The following TRIM16 variants were observed in gnomAD, a reference collection of about 807,000 sequenced individuals.
TRIM16 encodes tripartite motif containing 16, also known as tripartite motif-containing protein 16.
TRIM16 carries 33 observed loss-of-function variants against 50.4 expected under a neutral mutation model. The observed-to-expected ratio is 0.65, with a 90% CI of 0.50 to 0.88. TRIM16 has a LOEUF of 0.88. Among genes scored for constraint, TRIM16 ranks in the 40% least tolerant of loss-of-function variants. The probability of loss-of-function intolerance (pLI) is 0.00; values close to 1 mark genes in which losing one functional copy is unlikely to be tolerated. For synonymous variants in TRIM16, 229 were observed against 270.7 expected (o/e 0.85, Z 1.51); for missense variants, 581 against 686.8 (o/e 0.85, Z 1.72).
chr17:15,651,144 C>A lies in TRIM16; in HGVS notation c.466G>T (p.Glu156Ter). Residue 156 changes from glutamate to a stop codon, truncating the protein, a stop_gained, in exon 7 of 12, where the codon GAG becomes TAG. Transcript: ENST00000649191. LOFTEE classifies it high-confidence loss of function. ...QQCICQDCCQEHSGHTIVSLD... is the reference protein window; with the variant it reads ...QQCICQDCCQ ...GAGACTATGGTGTGGCCACTGTGCTCCTGGCAACAGTCCTGGCAGATGCAC... is the reference window on the plus strand; with the variant it reads ...GAGACTATGGTGTGGCCACTGTGCTACTGGCAACAGTCCTGGCAGATGCAC... 2 of 1,614,126 alleles carry A rather than the reference C, an allele frequency of 1.2e-6. No homozygotes were observed.
intron 4 of TRIM16, among the ~76,000 whole-genome samples, chr17:15,678,690 C>T (rs147440236): frequency 5.6e-4 from 86 of 152,250 alleles, no homozygotes; most frequent in African/African-American, 2.0e-3. Context: ...GTATTAAGGC[C>T]ATATATATTT....
intron 6 of TRIM16, among the ~76,000 whole-genome samples, chr17:15,676,165 A>G (rs922344283): frequency 1.4e-4 from 22 of 152,210 alleles, no homozygotes; most frequent in Admixed American, 1.4e-3. Context: ...CGTCCTGTGC[A>G]TTGTAGGATG....
In TRIM16 at chr17:15,632,915, A is replaced by C. The variant is rs1207889450; in HGVS notation, c.850-241T>G. 2.0e-5 allele frequency: 9 copies of C among 442,466 alleles called. No homozygotes were observed. In the East Asian group the frequency reaches 3.4e-4, roughly 17 times the overall value. The allele number at this position is 442,466 out of a possible 1,614,324, so 27.4% of individuals were successfully genotyped here. ...AAACAAGTGAGAACATGGGATTTTA[A>C]AAATCAAGATGTACTAGATGGCCAT... On this transcript the variant is annotated intron_variant, in intron 9 of 11. Coordinates refer to ENST00000649191, the MANE Select transcript of TRIM16 (RefSeq NM_001348119.1).
chr17:15,680,850 A>G lies in TRIM16; in HGVS notation c.-590+15T>C, dbSNP rs2601986. The stretch of plus-strand genomic sequence containing the variant: ...AAATAAAATTTCCAAGAAGAGAGGA[A>G]AATCCCCAACTCACCTGGGACTCTG... On this transcript the variant is annotated intron_variant, in intron 4 of 11. Coordinates refer to ENST00000649191, the MANE Select transcript of TRIM16 (RefSeq NM_001348119.1). 5 of 1,531,976 alleles carry G rather than the reference A, an allele frequency of 3.3e-6. No individual in the cohort carries two copies. Among genetic ancestry groups the G allele is most frequent in the African/African-American group, 2.8e-5 (2 of 71,710 alleles). 94.9% of individuals were successfully genotyped at this position (1,531,976 alleles called of 1,614,324 possible). A position where few individuals can be genotyped will look rare whatever the true frequency, so the allele number is the denominator to read the frequency against.
At chr17:15,662,193 C>T (rs1427540082) in intron 6 of TRIM16, among the ~76,000 whole-genome samples, 3 of 152,184 alleles carry the variant, frequency 2.0e-5, no homozygotes, top group African/African-American at 4.8e-5. Context: ...ATGGCGTTTC[C>T]TTGGCTCTTA....
chr17:15,665,624 A>G (rs2654394), intron 6 of TRIM16, among the ~76,000 whole-genome samples: 5,170 of 151,964 alleles, frequency 0.034, 113 homozygotes, highest in Non-Finnish European at 0.052. Context: ...CCCACATCTC[A>G]GTGGCCATTA....
chr17:15,650,997 T>C, intron 7 of TRIM16, 94 bp downstream of exon 7: 3 of 1,497,360 alleles, frequency 2.0e-6, no homozygotes, highest in Non-Finnish European at 1.8e-6. Context: ...CAGAGCATAG[T>C]AGTGGCGTCA....
chr17:15,680,805 G>A (rs1171447300), intron 4 of TRIM16, 60 bp downstream of exon 4: 46 of 1,497,146 alleles, frequency 3.1e-5, no homozygotes, highest in Non-Finnish European at 3.9e-5. Flanking sequence ...GAGAAGAGAG[G>A]AAAATCCCCA....
intron 6 of TRIM16, among the ~76,000 whole-genome samples, chr17:15,670,131 G>A (rs1172446866): frequency 1.3e-5 from 2 of 152,222 alleles, no homozygotes; most frequent in South Asian, 2.1e-4. Context: ...TAACCCACAG[G>A]TGCATGCACA....
intron 6 of TRIM16, among the ~76,000 whole-genome samples, chr17:15,669,563 T>A (rs6502466): frequency 1.3e-5 from 2 of 151,516 alleles, no homozygotes; most frequent in Non-Finnish European, 2.9e-5. Context: ...TTTCTTTTAC[T>A]TATACACTTC....
At chr17:15,664,848 ATG>A (rs1276297453) in intron 6 of TRIM16, among the ~76,000 whole-genome samples, 1 of 152,038 alleles carries the variant, frequency 6.6e-6, no homozygotes, top group Non-Finnish European at 1.5e-5. Context: ...CCTGGCCAAC[ATG>A]GTGAAACCCC....
chr17:15,672,890 A>T (rs1036068475), intron 6 of TRIM16, among the ~76,000 whole-genome samples: 3 of 152,200 alleles, frequency 2.0e-5, no homozygotes, highest in African/African-American at 7.2e-5. Flanking sequence ...ATATTTCATC[A>T]CTATAATGTC....
At chr17:15,630,252 C>T (rs1257071624) in intron 11 of TRIM16, among the ~76,000 whole-genome samples, 1 of 152,094 alleles carries the variant, frequency 6.6e-6, no homozygotes, top group African/African-American at 2.4e-5. Context: ...TCCTACCGAT[C>T]CATTCAGGCT....
At chr17:15,641,966 CTGAG>C (rs1212093300) in intron 8 of TRIM16, among the ~76,000 whole-genome samples, 1 of 148,716 alleles carries the variant, frequency 6.7e-6, no homozygotes, top group Non-Finnish European at 1.5e-5. Context: ...CCTCAGCCTC[CTGAG>C]TAACTGGGAC....
At chr17:15,638,068 T>C (rs1323844080) in intron 8 of TRIM16, among the ~76,000 whole-genome samples, 6 of 128,634 alleles carry the variant, frequency 4.7e-5, no homozygotes, top group Non-Finnish European at 9.8e-5. Flanking sequence ...TTAAGAGTCA[T>C]CACCACTCCC....
chr17:15,632,541 T>C lies in TRIM16; in HGVS notation c.983A>G (p.Tyr328Cys), dbSNP rs560348079. The change falls in exon 10 of 12, where the codon TAT becomes TGT. Residue 328 changes from tyrosine (Y) to cysteine (C), a missense_variant. Tyr to Cys is a radical substitution (Grantham distance 194). Around this residue, in one of 3 missense-constraint regions of TRIM16, gnomAD observed 450 missense variants for 544.3 expected, o/e 0.83. Coordinates refer to ENST00000649191, the MANE Select transcript of TRIM16 (RefSeq NM_001348119.1). Reference sequence around the variant, plus strand: ...GGAAAACTCCTGGAGCTTTTTCTTATAGTTCTCCAGCAACTGGATTAAGTG... The same window carrying C: ...GGAAAACTCCTGGAGCTTTTTCTTACAGTTCTCCAGCAACTGGATTAAGTG... ...TVHLIQLLEN[Y>C]KKKLQEFSKE... 32 of 1,613,306 alleles carry C rather than the reference T, an allele frequency of 2.0e-5. No individual in the cohort carries two copies. The South Asian group carries it at 2.2e-4, about 11-fold the overall frequency.
chr17:15,644,569 C>T (rs1327803540), intron 7 of TRIM16, among the ~76,000 whole-genome samples: 3 of 152,164 alleles, frequency 2.0e-5, no homozygotes, highest in Non-Finnish European at 4.4e-5. Flanking sequence ...TCTCAACCTT[C>T]AGCCTCACTT....
At chr17:15,630,340 A>C (rs1597596762) in intron 11 of TRIM16, among the ~76,000 whole-genome samples, 1 of 152,088 alleles carries the variant, frequency 6.6e-6, no homozygotes, top group Admixed American at 6.5e-5. Flanking sequence ...TGGTGTTTTA[A>C]ACTTGGCACC....
chr17:15,679,637 C>T (rs904809211), intron 4 of TRIM16, among the ~76,000 whole-genome samples: 4 of 152,126 alleles, frequency 2.6e-5, no homozygotes, highest in African/African-American at 9.7e-5. Context: ...AAGTAAGAAA[C>T]TAAGAAATAG....
Sources: gnomAD v4.1 joint callset for allele counts (sites outside exome capture counted in the v4.1 genomes callset) on GRCh38, gnomAD v4.1.1 for gene constraint, gnomAD v4.1.1 regional missense constraint, MANE v1.5 for transcripts, NCBI Gene and HGNC (gene_info 2026-07-23, HGNC 2026-07-21) for gene names.